KIAA1328: variants seen among roughly 807,000 people sequenced by gnomAD.
KIAA1328 encodes protein hinderin.
In KIAA1328, 52 loss-of-function variants were observed where a neutral mutation model predicts 68.1. The ratio of observed to expected loss-of-function variants is 0.76; its 90% CI spans 0.61 to 0.96. KIAA1328 has a LOEUF of 0.96. KIAA1328 is among the 40% of genes least tolerant of loss of function. The pLI, the probability that KIAA1328 is intolerant of heterozygous loss-of-function variation, is 0.00. For synonymous variants in KIAA1328, 232 were observed against 239.4 expected (o/e 0.97, Z 0.28); for missense variants, 641 against 677.6 (o/e 0.95, Z 0.60).
chr18:37,057,569 A>G (rs2055964622), intron 6 of KIAA1328, among the ~76,000 whole-genome samples: 1 of 151,576 alleles, frequency 6.6e-6, no homozygotes, highest in African/African-American at 2.4e-5. Flanking sequence ...CTGGGACTAC[A>G]GGTGCACACC....
chr18:37,133,929 C>T (rs891301559), intron 7 of KIAA1328, among the ~76,000 whole-genome samples: 2 of 152,088 alleles, frequency 1.3e-5, no homozygotes, highest in Non-Finnish European at 2.9e-5. Context: ...TTCCAAAGAA[C>T]ATATTGATAA....
At chr18:37,136,148 C>T (rs2058638986) in intron 7 of KIAA1328, among the ~76,000 whole-genome samples, 1 of 152,184 alleles carries the variant, frequency 6.6e-6, no homozygotes. Context: ...TTGAGATAGA[C>T]ACGTAGGCTG....
At chr18:36,918,292 GT>G (rs1325387142) in intron 5 of KIAA1328, among the ~76,000 whole-genome samples, 2 of 149,990 alleles carry the variant, frequency 1.3e-5, no homozygotes, top group Non-Finnish European at 3.0e-5. Flanking sequence ...CTTCATGTTT[GT>G]TTTTTATTTT....
intron 6 of KIAA1328, among the ~76,000 whole-genome samples, chr18:36,982,586 T>C (rs895405070): frequency 1.1e-4 from 17 of 151,868 alleles, no homozygotes; most frequent in African/African-American, 4.1e-4. Flanking sequence ...TTCAGACATA[T>C]AGAAGCAGAA....
chr18:36,854,211 T>G (rs1455114286), intron 4 of KIAA1328, among the ~76,000 whole-genome samples: 1 of 152,158 alleles, frequency 6.6e-6, no homozygotes, highest in Non-Finnish European at 1.5e-5. Flanking sequence ...GGCAGGCATC[T>G]GGGAGAGACC....
At chr18:37,027,163 G>C (rs1053677918) in intron 6 of KIAA1328, among the ~76,000 whole-genome samples, 21 of 152,254 alleles carry the variant, frequency 1.4e-4, no homozygotes, top group Non-Finnish European at 1.3e-4. Context: ...ACTTACAAGG[G>C]ACGTGAAGGA....
At chr18:36,910,760 G>A (rs1327065434) in intron 5 of KIAA1328, among the ~76,000 whole-genome samples, 4 of 152,122 alleles carry the variant, frequency 2.6e-5, no homozygotes, top group Non-Finnish European at 5.9e-5. Context: ...CATGAGCATG[G>A]AATGTTCTTC....
At chr18:37,050,108 T>C (rs1226657934) in intron 6 of KIAA1328, among the ~76,000 whole-genome samples, 3 of 152,070 alleles carry the variant, frequency 2.0e-5, no homozygotes. Context: ...TTCTGGTTTC[T>C]ATTCCTGAGC....
At chr18:36,872,671 G>A (rs943303603) in intron 4 of KIAA1328, among the ~76,000 whole-genome samples, 1 of 152,118 alleles carries the variant, frequency 6.6e-6, no homozygotes, top group African/African-American at 2.4e-5. Context: ...TCCTACCCAA[G>A]ATGTCCAGAT....
At chr18:37,183,169 G>GT (rs931898337) in intron 9 of KIAA1328, among the ~76,000 whole-genome samples, 15 of 151,916 alleles carry the variant, frequency 9.9e-5, no homozygotes, top group South Asian at 2.1e-4. Context: ...TATTGTGTGT[G>GT]TTTTTTTTGG....
At chr18:37,003,199 G>C (rs1174702499) in intron 6 of KIAA1328, among the ~76,000 whole-genome samples, 2 of 151,972 alleles carry the variant, frequency 1.3e-5, no homozygotes, top group African/African-American at 4.8e-5. Context: ...ACTCAAAATG[G>C]ATTAAAGGCT....
At chr18:36,958,619 G>T (rs2051520841) in intron 5 of KIAA1328, among the ~76,000 whole-genome samples, 1 of 151,880 alleles carries the variant, frequency 6.6e-6, no homozygotes, top group African/African-American at 2.4e-5. Context: ...TATGCTTCTT[G>T]GCCATTTGCA....
intron 4 of KIAA1328, among the ~76,000 whole-genome samples, chr18:36,880,541 G>T (rs900571683): frequency 6.6e-6 from 1 of 152,070 alleles, no homozygotes; most frequent in Admixed American, 6.5e-5. Context: ...ACTTTTTCTT[G>T]GTCTGTAGGC....
intron 7 of KIAA1328, among the ~76,000 whole-genome samples, chr18:37,151,493 A>G (rs2059028389): frequency 6.6e-6 from 1 of 152,182 alleles, no homozygotes; most frequent in Non-Finnish European, 1.5e-5. Flanking sequence ...CTAGAAGACT[A>G]AATTGAAGGA....
chr18:37,116,975 C>T (rs561156799), intron 7 of KIAA1328, among the ~76,000 whole-genome samples: 57 of 152,306 alleles, frequency 3.7e-4, no homozygotes, highest in African/African-American at 1.4e-3. Flanking sequence ...CATCTCACAA[C>T]AGTTAGAATG....
intron 4 of KIAA1328, among the ~76,000 whole-genome samples, chr18:36,881,065 G>A (rs963680750): frequency 6.6e-6 from 1 of 151,070 alleles, no homozygotes; most frequent in African/African-American, 2.4e-5. Flanking sequence ...TGGTATCAAG[G>A]TATGGCTGCA....
intron 5 of KIAA1328, among the ~76,000 whole-genome samples, chr18:36,936,403 G>T (rs2050500798): frequency 6.6e-6 from 1 of 152,160 alleles, no homozygotes; most frequent in South Asian, 2.1e-4. Context: ...GTGTTAGTTT[G>T]CTGAGGATGA....
chr18:37,026,142 C>T (rs530998628), intron 6 of KIAA1328, among the ~76,000 whole-genome samples: 1,856 of 152,160 alleles, frequency 0.012, 38 homozygotes, highest in African/African-American at 0.042. Context: ...ATAAATTTCT[C>T]GACACATACA....
intron 7 of KIAA1328, among the ~76,000 whole-genome samples, chr18:37,107,962 T>C (rs1359265810): frequency 6.6e-6 from 1 of 151,974 alleles, no homozygotes; most frequent in Admixed American, 6.6e-5. Flanking sequence ...AGAAAGCAAT[T>C]TGGAGATTAT....
Sources: gnomAD v4.1 joint callset for allele counts (sites outside exome capture counted in the v4.1 genomes callset) on GRCh38, gnomAD v4.1.1 for gene constraint, MANE v1.5 for transcripts, NCBI Gene and HGNC (gene_info 2026-07-23, HGNC 2026-07-21) for gene names.